Variants in CSMD1 observed in about 807,000 individuals in gnomAD.
CSMD1 encodes the protein CUB and Sushi multiple domains 1, also known as CUB and sushi domain-containing protein 1.
CSMD1 carries 213 observed loss-of-function variants against 417.5 expected under a neutral mutation model. That is an observed-to-expected ratio of 0.51 (90% confidence interval 0.46 to 0.57). The LOEUF (loss-of-function observed/expected upper bound fraction) is 0.57, where lower values mean the gene tolerates loss of function less well. Among genes scored for constraint, CSMD1 ranks in the 20% least tolerant of loss-of-function variants. CSMD1 has a pLI of 0.00. For synonymous variants in CSMD1, 2,862 were observed against 1,736.8 expected (o/e 1.65, Z -16.11); for missense variants, 6,923 against 4,529.7 (o/e 1.53, Z -15.17).
intron 1 of CSMD1, among the ~76,000 whole-genome samples, chr8:4,964,348 A>C (rs1313292611): frequency 1.3e-5 from 2 of 151,768 alleles, no homozygotes; most frequent in African/African-American, 4.8e-5. Flanking sequence ...TCCCATTTCT[A>C]CAAAAAGTAC....
chr8:4,578,598 C>CTT (rs1799254230), intron 2 of CSMD1, among the ~76,000 whole-genome samples: 1 of 151,112 alleles, frequency 6.6e-6, no homozygotes, highest in Non-Finnish European at 1.5e-5. Flanking sequence ...GGGCGGTTCA[C>CTT]GAGGTCAGGA....
rs78653204 is a variant in CSMD1, at chr8:4,550,311, G to A, written c.302+87031C>T. Among the ~76,000 whole-genome samples, 110 of 147,152 alleles carry A rather than the reference G, an allele frequency of 7.5e-4. No homozygotes were observed. The East Asian group carries it at 0.021, about 28-fold the overall frequency. On this transcript the variant is annotated intron_variant, in intron 2 of 69. Coordinates refer to ENST00000635120, the MANE Select transcript of CSMD1 (RefSeq NM_033225.6). ...ATGAGGAATACAACACATTTCATTG[G>A]AAGAAGCATACACACACGCACACAC...
At chr8:3,520,019 C>CATA (rs1491479503) in intron 10 of CSMD1, among the ~76,000 whole-genome samples, 25 of 113,954 alleles carry the variant, frequency 2.2e-4, no homozygotes, top group African/African-American at 8.9e-4. Flanking sequence ...TGTGTATATA[C>CATA]CTATATATAT....
At chr8:3,034,814 G>T (rs991036147) in intron 50 of CSMD1, among the ~76,000 whole-genome samples, 2 of 152,160 alleles carry the variant, frequency 1.3e-5, no homozygotes, top group African/African-American at 4.8e-5. Flanking sequence ...TAGGGAATAA[G>T]ATAAAACTGA....
intron 8 of CSMD1, among the ~76,000 whole-genome samples, chr8:3,594,765 T>C (rs557770579): frequency 6.6e-6 from 1 of 152,250 alleles, no homozygotes; most frequent in Admixed American, 6.5e-5. Flanking sequence ...AGTGGGAGGC[T>C]TGGGAGAAGA....
intron 3 of CSMD1, among the ~76,000 whole-genome samples, chr8:4,394,022 C>G (rs575172914): frequency 1.3e-4 from 20 of 152,282 alleles, no homozygotes; most frequent in African/African-American, 4.8e-4. Context: ...TGGCTGCCTT[C>G]AAAGAACACC....
intron 3 of CSMD1, among the ~76,000 whole-genome samples, chr8:4,329,519 C>G (rs1347111536): frequency 3.3e-5 from 5 of 152,172 alleles, no homozygotes; most frequent in Admixed American, 2.0e-4. Flanking sequence ...AACTCCTGAC[C>G]TCAAGTGATT....
intron 5 of CSMD1, among the ~76,000 whole-genome samples, chr8:3,924,485 A>C (rs957396428): frequency 3.9e-5 from 6 of 152,106 alleles, no homozygotes; most frequent in African/African-American, 1.4e-4. Context: ...TGAGACTTCT[A>C]TGATACATAT....
At chr8:3,475,577 T>G (rs1007151482) in intron 11 of CSMD1, among the ~76,000 whole-genome samples, 2 of 152,196 alleles carry the variant, frequency 1.3e-5, no homozygotes, top group African/African-American at 2.4e-5. Context: ...TCCTCATCTA[T>G]GAAACAAGAG....
chr8:2,952,331 A>G (rs1338377744), intron 65 of CSMD1, among the ~76,000 whole-genome samples: 1 of 152,152 alleles, frequency 6.6e-6, no homozygotes, highest in Non-Finnish European at 1.5e-5. Context: ...GGACAAAAGT[A>G]TATTGTTCCT....
chr8:3,477,828 T>A (rs35533476), intron 11 of CSMD1, among the ~76,000 whole-genome samples: 2 of 151,894 alleles, frequency 1.3e-5, no homozygotes, highest in Admixed American at 1.3e-4. Flanking sequence ...CCTAGCCGGG[T>A]TCCCAGGACA....
At chr8:4,331,083 A>G (rs1402819058) in intron 3 of CSMD1, among the ~76,000 whole-genome samples, 1 of 152,186 alleles carries the variant, frequency 6.6e-6, no homozygotes, top group Non-Finnish European at 1.5e-5. Context: ...TTATTCTCCA[A>G]TATGCAACTA....
chr8:3,571,656 T>C (rs1799947388), intron 10 of CSMD1, among the ~76,000 whole-genome samples: 5 of 151,918 alleles, frequency 3.3e-5, no homozygotes, highest in Admixed American at 3.3e-4. Flanking sequence ...TGTTCTGCGC[T>C]CCCCGAGCTC....
At chr8:4,649,033 G>A (rs17070971) in intron 1 of CSMD1, among the ~76,000 whole-genome samples, 5,106 of 152,224 alleles carry the variant, frequency 0.034, 272 homozygotes, top group African/African-American at 0.12. Flanking sequence ...CTCTTTGGCC[G>A]AGAAACTCTT....
Position 3,979,160 on chromosome 8 carries a change from A to G in CSMD1, c.818+18743T>C, listed in dbSNP as rs80020593. Among the ~76,000 whole-genome samples the G allele has an allele frequency of 3.3e-5, 5 of 152,338 alleles. No homozygotes were observed. The South Asian group carries it at 1.0e-3, about 32-fold the overall frequency. ...GCCTCAGGCCCTGATCACATTTTAC[A>G]ACACCTGTGAGATCTTAGCACACTA... On this transcript the variant is annotated intron_variant, in intron 5 of 69. Transcript: ENST00000635120.
intron 3 of CSMD1, among the ~76,000 whole-genome samples, chr8:4,174,662 G>C (rs577381344): frequency 1.4e-5 from 2 of 143,688 alleles, no homozygotes; most frequent in South Asian, 2.4e-4. Flanking sequence ...ATAGGAAACA[G>C]ACCCATGCTA....
chr8:4,794,134 T>A (rs754679568), intron 1 of CSMD1, among the ~76,000 whole-genome samples: 1 of 152,202 alleles, frequency 6.6e-6, no homozygotes, highest in Admixed American at 6.5e-5. Flanking sequence ...TAATGCTTTA[T>A]TCTCTAATAG....
chr8:4,270,885 C>A (rs1457034469), intron 3 of CSMD1, among the ~76,000 whole-genome samples: 2 of 152,140 alleles, frequency 1.3e-5, no homozygotes, highest in African/African-American at 2.4e-5. Context: ...GGACCTCATT[C>A]CTTCAACAAA....
At chr8:4,743,269 G>A (rs1585030311) in intron 1 of CSMD1, among the ~76,000 whole-genome samples, 1 of 151,964 alleles carries the variant, frequency 6.6e-6, no homozygotes, top group African/African-American at 2.4e-5. Context: ...TTTGATGAAG[G>A]ACCAAATTCT....
Sources: gnomAD v4.1 joint callset for allele counts (sites outside exome capture counted in the v4.1 genomes callset) on GRCh38, gnomAD v4.1.1 for gene constraint, MANE v1.5 for transcripts, NCBI Gene and HGNC (gene_info 2026-07-23, HGNC 2026-07-21) for gene names.